The following TRIM44 variants were observed in gnomAD, a reference collection of about 807,000 sequenced individuals.
The protein encoded by TRIM44 is tripartite motif-containing protein 44.
In TRIM44, 13 loss-of-function variants were observed where a neutral mutation model predicts 37.4. That is an observed-to-expected ratio of 0.35 (90% CI 0.23 to 0.55). The LOEUF is 0.55. Ranked by LOEUF, TRIM44 falls within the 20% of genes least tolerant of loss-of-function variation. The pLI, the probability that TRIM44 is intolerant of heterozygous loss-of-function variation, is 0.89. For synonymous variants in TRIM44, 175 were observed against 157.2 expected (o/e 1.11, Z -0.85); for missense variants, 426 against 437.2 (o/e 0.97, Z 0.23).
At chr11:35,740,048 G>A (rs1052854590) in intron 4 of TRIM44, among the ~76,000 whole-genome samples, 5 of 143,002 alleles carry the variant, frequency 3.5e-5, no homozygotes, top group African/African-American at 1.3e-4. Flanking sequence ...GCAGTGAGCC[G>A]AGATCGTGCC....
chr11:35,669,198 C>G (rs1044849132), intron 1 of TRIM44, among the ~76,000 whole-genome samples: 1 of 152,182 alleles, frequency 6.6e-6, no homozygotes, highest in Non-Finnish European at 1.5e-5. Context: ...TTTGATTCTG[C>G]TAAGGCCTGA....
At position 35,663,075 on chromosome 11, in the gene TRIM44, CGG is replaced by C; in HGVS notation, c.-34_-33del. On this transcript the variant is annotated 5_prime_UTR_variant, in exon 1 of 5. Transcript: ENST00000299413. ...CGCGCGGAAGGAAGGCGGCGAGCCC[CGG>C]GGCCCCGAGGCCTTGGCCGCGTCAC... The C allele has an allele frequency of 6.7e-7, 1 of 1,483,938 alleles. No individual in the cohort carries two copies. The highest frequency in any genetic ancestry group is 8.9e-7 in the Non-Finnish European group (1 of 1,125,212). 91.9% of individuals were successfully genotyped at this position (1,483,938 alleles called of 1,614,324 possible). A position where few individuals can be genotyped will look rare whatever the true frequency, so the allele number is the denominator to read the frequency against.
At chr11:35,746,326 G>C (rs553766192) in intron 4 of TRIM44, among the ~76,000 whole-genome samples, 2 of 152,000 alleles carry the variant, frequency 1.3e-5, no homozygotes, top group African/African-American at 2.4e-5. Context: ...TGGTGGTGAT[G>C]GTGTCTTTTT....
At position 35,663,787 on chromosome 11, in the gene TRIM44, A is replaced by G. The variant is rs561637328; in HGVS notation, c.669+7A>G. ...AGCCTTTGAAGAATTAAGAGTAAGT[A>G]TTGGGCCTTCAGAGCATAAACCTAG... On this transcript the variant is annotated splice_region_variant and intron_variant, in intron 1 of 4. Transcript: ENST00000299413. 267 of 1,610,778 alleles carry G rather than the reference A, an allele frequency of 1.7e-4. No homozygotes were observed. The South Asian group carries it at 2.8e-3, about 17-fold the overall frequency.
chr11:35,710,640 C>T (rs976521774), intron 2 of TRIM44, among the ~76,000 whole-genome samples: 1 of 152,176 alleles, frequency 6.6e-6, no homozygotes, highest in Non-Finnish European at 1.5e-5. Context: ...TTGGTGCCTT[C>T]TCCATTTATA....
chr11:35,761,821 T>A (rs1852733341), intron 4 of TRIM44, among the ~76,000 whole-genome samples: 1 of 152,242 alleles, frequency 6.6e-6, no homozygotes, highest in Admixed American at 6.5e-5. Context: ...GCTTTAAATC[T>A]AATTCCTCAA....
intron 4 of TRIM44, among the ~76,000 whole-genome samples, chr11:35,781,092 A>G (rs1853059132): frequency 6.6e-6 from 1 of 152,220 alleles, no homozygotes; most frequent in South Asian, 2.1e-4. Flanking sequence ...TACTATAGCT[A>G]CAATGTGGAA....
At chr11:35,754,159 AATCTTT>A (rs144728735) in intron 4 of TRIM44, among the ~76,000 whole-genome samples, 1 of 152,306 alleles carries the variant, frequency 6.6e-6, no homozygotes, top group African/African-American at 2.4e-5. Context: ...TGTTAGAGGT[AATCTTT>A]CTTTCTTTAG....
intron 4 of TRIM44, among the ~76,000 whole-genome samples, chr11:35,741,325 T>C (rs1852394513): frequency 6.6e-6 from 1 of 152,208 alleles, no homozygotes; most frequent in South Asian, 2.1e-4. Flanking sequence ...GAAGCCACAC[T>C]ATGCATTGTG....
rs370266411 is a variant in TRIM44, at chr11:35,807,711, C to T, written c.*1326C>T. ...TATATTATAGAATAAAATGTTCATA[C>T]GCATAGACTGTTAAGATAAAAAAAT... On this transcript the variant is annotated 3_prime_UTR_variant, in exon 5 of 5. Coordinates refer to ENST00000299413, the MANE Select transcript of TRIM44 (RefSeq NM_017583.6). 1.6e-4 allele frequency: 25 copies of T among 152,212 alleles called. No individual in the cohort carries two copies. In the East Asian group the frequency reaches 3.5e-3, roughly 21 times the overall value. 9.4% of individuals were successfully genotyped at this position (152,212 alleles called of 1,614,324 possible). A position where few individuals can be genotyped will look rare whatever the true frequency, so the allele number is the denominator to read the frequency against.
chr11:35,801,854 T>G (rs544291104), intron 4 of TRIM44, among the ~76,000 whole-genome samples: 2 of 152,318 alleles, frequency 1.3e-5, no homozygotes, highest in East Asian at 3.9e-4. Flanking sequence ...CCCAGTTCCT[T>G]TAGCTAAACT....
intron 1 of TRIM44, among the ~76,000 whole-genome samples, chr11:35,677,835 T>C (rs1471700102): frequency 1.3e-5 from 2 of 152,184 alleles, no homozygotes; most frequent in Admixed American, 6.5e-5. Context: ...TTTTAAATAA[T>C]GATAAGTACT....
rs1410519563 is a variant in TRIM44, at chr11:35,663,024, C to G, written c.-88C>G. On this transcript the variant is annotated 5_prime_UTR_variant, in exon 1 of 5. Coordinates refer to ENST00000299413, the MANE Select transcript of TRIM44 (RefSeq NM_017583.6). ...CGGGAGGCGACTCCCTAGGAAGGGA[C>G]CCGGGGCGGGAGGAGGAAGTGAGGC... 2.1e-6 allele frequency: 3 copies of G among 1,434,992 alleles called. No individual in the cohort carries two copies. Among genetic ancestry groups the G allele is most frequent in the Non-Finnish European group, 2.7e-6 (3 of 1,100,402 alleles). The allele number at this position is 1,434,992 out of a possible 1,614,324, so 88.9% of individuals were successfully genotyped here. A position where few individuals can be genotyped will look rare whatever the true frequency, so the allele number is the denominator to read the frequency against.
chr11:35,811,968 T>C lies in TRIM44; in HGVS notation c.*5583T>C, dbSNP rs1203571196. 6.6e-6 allele frequency: 1 copy of C among 152,176 alleles called. No homozygotes were observed. Among genetic ancestry groups the C allele is most frequent in the Non-Finnish European group, 1.5e-5 (1 of 68,054 alleles). 9.4% of individuals were successfully genotyped at this position (152,176 alleles called of 1,614,324 possible). ...TAGGCCCTACTTCCTCTTCCCCAGT[T>C]GCGGAGGACACTGCTGCCTGGTGGG... On this transcript the variant is annotated 3_prime_UTR_variant, in exon 5 of 5. Transcript: ENST00000299413.
chr11:35,793,481 C>T (rs886772703), intron 4 of TRIM44, among the ~76,000 whole-genome samples: 3 of 152,064 alleles, frequency 2.0e-5, no homozygotes, highest in Admixed American at 1.3e-4. Flanking sequence ...GCCAAGATTA[C>T]GCCACTGCAC....
At position 35,815,941 on chromosome 11, in the gene TRIM44, C is replaced by G. The variant is rs1436167087; in HGVS notation, c.*9556C>G. The G allele has an allele frequency of 6.6e-6, 1 of 152,188 alleles. No individual in the cohort carries two copies. Among genetic ancestry groups the G allele is most frequent in the African/African-American group, 2.4e-5 (1 of 41,430 alleles). 9.4% of individuals were successfully genotyped at this position (152,188 alleles called of 1,614,324 possible). A position where few individuals can be genotyped will look rare whatever the true frequency, so the allele number is the denominator to read the frequency against. ...TTTACAATGACTTACTTCTAATAAT[C>G]ACTGAAACAGCCTCATGAGGACATG... On this transcript the variant is annotated 3_prime_UTR_variant, in exon 5 of 5. Transcript: ENST00000299413.
rs75254531 is a variant in TRIM44 at position 35,720,155 on chromosome 11, C to T, written c.748-5769C>T. ...ACCTGACATCTTGACAATATTGAGCCTTTTTCTCAACATGGAATGTCTATT... is the reference window on the plus strand; with the variant it reads ...ACCTGACATCTTGACAATATTGAGCTTTTTTCTCAACATGGAATGTCTATT... On this transcript the variant is annotated intron_variant, in intron 2 of 4. Coordinates refer to ENST00000299413, the MANE Select transcript of TRIM44 (RefSeq NM_017583.6). Among the ~76,000 whole-genome samples the T allele has an allele frequency of 0.014, 2,115 of 152,230 alleles. 119 individuals are homozygous for T. The East Asian group carries it at 0.14, about 10-fold the overall frequency.
At chr11:35,755,807 A>G (rs1390901132) in intron 4 of TRIM44, among the ~76,000 whole-genome samples, 1 of 152,192 alleles carries the variant, frequency 6.6e-6, no homozygotes, top group Non-Finnish European at 1.5e-5. Flanking sequence ...CAAAGATCAG[A>G]TAGTTGTAGA....
intron 4 of TRIM44, among the ~76,000 whole-genome samples, chr11:35,791,611 C>T (rs961626018): frequency 6.6e-6 from 1 of 152,184 alleles, no homozygotes; most frequent in African/African-American, 2.4e-5. Context: ...CTTTTCACAG[C>T]TCCTTGAACA....
Sources: allele counts gnomAD v4.1 joint callset (sites outside exome capture counted in the v4.1 genomes callset), GRCh38; gene constraint gnomAD v4.1.1; transcripts MANE v1.5; gene names NCBI Gene and HGNC (gene_info 2026-07-23, HGNC 2026-07-21).